The following MED30 variants were observed in gnomAD, a reference collection of about 807,000 sequenced individuals.
MED30 encodes mediator of RNA polymerase II transcription subunit 30.
Under a neutral mutation model 21.7 loss-of-function variants are expected in MED30, and 8 were observed. The observed-to-expected ratio is 0.37, with a 90% CI of 0.22 to 0.67. MED30 has a LOEUF of 0.67. MED30 is among the 30% of genes least tolerant of loss of function. The pLI, the probability that MED30 is intolerant of heterozygous loss-of-function variation, is 0.58. For missense variants in MED30, 203 were observed against 228.2 expected, an observed-to-expected ratio of 0.89 and a Z score of 0.71; for synonymous variants, 79 against 86.7, an observed-to-expected ratio of 0.91 and a Z score of 0.49.
intron 3 of MED30, among the ~76,000 whole-genome samples, chr8:117,531,235 A>G (rs570008487): frequency 1.3e-5 from 2 of 152,058 alleles, no homozygotes; most frequent in South Asian, 4.1e-4. Context: ...ATCTACTCCA[A>G]CCCCACAAAA....
At chr8:117,534,789 A>AAAT (rs1258860467) in intron 3 of MED30, among the ~76,000 whole-genome samples, 2 of 152,006 alleles carry the variant, frequency 1.3e-5, no homozygotes, top group Non-Finnish European at 2.9e-5. Context: ...TGGTTAACTT[A>AAAT]AATTTAAATC....
chr8:117,537,185 C>T (rs1818893034), intron 3 of MED30, among the ~76,000 whole-genome samples: 1 of 152,194 alleles, frequency 6.6e-6, no homozygotes, highest in African/African-American at 2.4e-5. Flanking sequence ...AGTGTCACAG[C>T]TTTTGTGTGA....
chr8:117,532,691 A>T (rs117768754), intron 3 of MED30, among the ~76,000 whole-genome samples: 1 of 152,130 alleles, frequency 6.6e-6, no homozygotes, highest in Non-Finnish European at 1.5e-5. Flanking sequence ...AAAAAGATGG[A>T]TAGATTTTAT....
intron 3 of MED30, among the ~76,000 whole-genome samples, chr8:117,533,006 AAT>A (rs1818812368): frequency 6.6e-6 from 1 of 152,054 alleles, no homozygotes; most frequent in Non-Finnish European, 1.5e-5. Flanking sequence ...AATATAATGA[AAT>A]ATGTATATAA....
intron 2 of MED30, chr8:117,530,458 C>T (rs1244250859): frequency 3.9e-6 from 1 of 256,286 alleles, no homozygotes; most frequent in Non-Finnish European, 7.3e-6. Flanking sequence ...CTTCTCCCAT[C>T]TTCCTGCTGG....
intron 3 of MED30, 76 bp from the exon 4 acceptor site, chr8:117,539,807 T>A: frequency 2.3e-6 from 2 of 854,604 alleles, no homozygotes; most frequent in Non-Finnish European, 3.8e-6. Context: ...TAATCCTAAC[T>A]TATGATATTT....
chr8:117,538,132 TTAAA>T (rs2130820220), intron 3 of MED30, among the ~76,000 whole-genome samples: 1 of 152,308 alleles, frequency 6.6e-6, no homozygotes, highest in South Asian at 2.1e-4. Context: ...ATACAACCAC[TTAAA>T]TAACAGACTA....
At chr8:117,539,691 G>C (rs759536144) in intron 3 of MED30, among the ~76,000 whole-genome samples, 192 bp from the exon 4 acceptor site, 29 of 152,228 alleles carry the variant, frequency 1.9e-4, no homozygotes, top group Non-Finnish European at 4.1e-4. Flanking sequence ...CTGCAGGCTG[G>C]ATTTTTAGAA....
At chr8:117,521,266 A>T (rs188215886) in intron 1 of MED30, among the ~76,000 whole-genome samples, 3 of 151,912 alleles carry the variant, frequency 2.0e-5, no homozygotes. Flanking sequence ...ATTGAAGCCA[A>T]TTTTTTTTAG....
At chr8:117,529,791 G>C (rs118078814) in intron 2 of MED30, among the ~76,000 whole-genome samples, 1 of 151,868 alleles carries the variant, frequency 6.6e-6, no homozygotes, top group Non-Finnish European at 1.5e-5. Context: ...TGTAGGGAGA[G>C]GTTGAGAGAA....
chr8:117,527,076 A>G lies in MED30; in HGVS notation c.178-1575A>G, dbSNP rs190204898. Among the ~76,000 whole-genome samples, 17 of 152,138 alleles carry G rather than the reference A, an allele frequency of 1.1e-4. No homozygotes were observed. The East Asian group carries it at 2.9e-3, about 26-fold the overall frequency. On this transcript the variant is annotated intron_variant, in intron 1 of 3. Transcript: ENST00000297347. The stretch of plus-strand genomic sequence containing the variant: ...TCTTTACTAAGTAGAAAATATGGGC[A>G]AAGTATTAAACCCCATAATGCCATA...
At chr8:117,538,168 A>C (rs1229103665) in intron 3 of MED30, among the ~76,000 whole-genome samples, 1 of 152,216 alleles carries the variant, frequency 6.6e-6, no homozygotes, top group African/African-American at 2.4e-5. Context: ...TGATAACAGA[A>C]TATAGAAGAT....
intron 1 of MED30, among the ~76,000 whole-genome samples, chr8:117,524,218 C>CA (rs552933063): frequency 1.2e-3 from 178 of 151,954 alleles, no homozygotes; most frequent in African/African-American, 4.1e-3. Flanking sequence ...CCTTCATTTC[C>CA]AAAAAAACTA....
At chr8:117,536,046 A>AT (rs1324203658) in intron 3 of MED30, among the ~76,000 whole-genome samples, 3 of 151,154 alleles carry the variant, frequency 2.0e-5, no homozygotes, top group African/African-American at 7.3e-5. Flanking sequence ...GGCTTTTGTT[A>AT]TTTTTTCTTC....
intron 1 of MED30, among the ~76,000 whole-genome samples, chr8:117,527,640 T>C (rs1348320685): frequency 8.7e-5 from 6 of 68,818 alleles, no homozygotes; most frequent in African/African-American, 1.7e-4. Flanking sequence ...TTCTTTCTTT[T>C]TTTTTTTTTT....
At chr8:117,530,132 T>C (rs1342391322) in intron 2 of MED30, among the ~76,000 whole-genome samples, 2 of 152,020 alleles carry the variant, frequency 1.3e-5, no homozygotes, top group Admixed American at 6.6e-5. Flanking sequence ...AGAAGTTTCA[T>C]TGCTATATAA....
At chr8:117,522,329 A>G (rs1435863914) in intron 1 of MED30, among the ~76,000 whole-genome samples, 5 of 152,152 alleles carry the variant, frequency 3.3e-5, no homozygotes, top group Non-Finnish European at 1.5e-5. Context: ...TAGGTCTACA[A>G]CCTATATTTA....
At position 117,521,852 on chromosome 8, in the gene MED30, G is replaced by T. The variant is rs532244446; in HGVS notation, c.177+799G>T. 3.3e-5 allele frequency among the ~76,000 whole-genome samples: 5 copies of T among 152,270 alleles called. 1 individual carries two copies. In the South Asian group the frequency reaches 1.0e-3, roughly 32 times the overall value. On this transcript the variant is annotated intron_variant, in intron 1 of 3. Transcript: ENST00000297347. The stretch of plus-strand genomic sequence containing the variant: ...TTTGGGTTGTTTCCACTTTTTGGCT[G>T]TTGTAAATAATGCTGCTATGAACTT...
At chr8:117,538,381 A>G (rs1818917513) in intron 3 of MED30, among the ~76,000 whole-genome samples, 1 of 152,026 alleles carries the variant, frequency 6.6e-6, no homozygotes, top group Admixed American at 6.6e-5. Context: ...CTGTAAATTG[A>G]TTTTCTATTT....
Sources: gnomAD v4.1 joint callset for allele counts (sites outside exome capture counted in the v4.1 genomes callset) on GRCh38, gnomAD v4.1.1 for gene constraint, MANE v1.5 for transcripts, NCBI Gene and HGNC (gene_info 2026-07-23, HGNC 2026-07-21) for gene names.